CMIP: variants seen among roughly 807,000 people sequenced by gnomAD.
The protein encoded by CMIP is C-Maf-inducing protein.
CMIP carries 13 observed loss-of-function variants against 97.3 expected under a neutral mutation model. The ratio of observed to expected loss-of-function variants is 0.13; its 90% CI spans 0.09 to 0.21. The LOEUF (loss-of-function observed/expected upper bound fraction) is 0.21. Ranked by LOEUF, CMIP falls within the 10% of genes least tolerant of loss-of-function variation. The pLI is 1.00. For synonymous variants in CMIP, 538 were observed against 436.3 expected (o/e 1.23, Z -2.91); for missense variants, 847 against 1,024.9 (o/e 0.83, Z 2.37).
intron 1 of CMIP, among the ~76,000 whole-genome samples, chr16:81,487,885 C>T (rs1007596212): frequency 3.3e-5 from 5 of 152,178 alleles, no homozygotes; most frequent in East Asian, 3.8e-4. Context: ...AAGGATGTTC[C>T]GGCTCTGCAA....
intron 1 of CMIP, among the ~76,000 whole-genome samples, chr16:81,599,692 A>G (rs776397447): frequency 3.9e-5 from 6 of 152,194 alleles, no homozygotes; most frequent in Non-Finnish European, 5.9e-5. Flanking sequence ...GGGGGTTACG[A>G]AATTGAATCC....
intron 1 of CMIP, chr16:81,464,124 G>A (rs1567528620): frequency 6.6e-6 from 1 of 152,404 alleles, no homozygotes; most frequent in East Asian, 1.9e-4. Flanking sequence ...CGCAGCCAGT[G>A]TGTAAGGGAA....
intron 1 of CMIP, chr16:81,603,456 G>C (rs1486779218): frequency 2.2e-6 from 1 of 454,416 alleles, no homozygotes; most frequent in Non-Finnish European, 4.4e-6. Context: ...GGATACCCCA[G>C]AGTTCTCACA....
At chr16:81,656,212 C>T (rs910149724) in intron 4 of CMIP, among the ~76,000 whole-genome samples, 3 of 152,208 alleles carry the variant, frequency 2.0e-5, no homozygotes, top group African/African-American at 7.2e-5. Context: ...CGGCCTCCCG[C>T]AGCCCTCGGG....
At chr16:81,522,896 A>G (rs1255720748) in intron 1 of CMIP, among the ~76,000 whole-genome samples, 1 of 152,140 alleles carries the variant, frequency 6.6e-6, no homozygotes, top group African/African-American at 2.4e-5. Flanking sequence ...ACACATAATC[A>G]TAAACAATAT....
At chr16:81,484,198 C>G (rs1182688130) in intron 1 of CMIP, among the ~76,000 whole-genome samples, 1 of 152,136 alleles carries the variant, frequency 6.6e-6, no homozygotes, top group East Asian at 1.9e-4. Flanking sequence ...GTCGCCCTTC[C>G]CTGGCGGACC....
At chr16:81,594,103 C>T (rs2091511554) in intron 1 of CMIP, among the ~76,000 whole-genome samples, 1 of 124,724 alleles carries the variant, frequency 8.0e-6, no homozygotes, top group Admixed American at 8.0e-5. Flanking sequence ...CTTCCTCCCC[C>T]TCCTCCCCAT....
chr16:81,583,371 A>C (rs922480217), intron 1 of CMIP, among the ~76,000 whole-genome samples: 2 of 152,250 alleles, frequency 1.3e-5, no homozygotes, highest in African/African-American at 2.4e-5. Context: ...TCTGTTCTTT[A>C]ACCCTGAATG....
intron 6 of CMIP, 112 bp downstream of exon 6, chr16:81,661,058 G>C (rs1056803655): frequency 3.0e-6 from 4 of 1,314,824 alleles, no homozygotes; most frequent in Admixed American, 3.4e-5. Flanking sequence ...CACCGTCTTG[G>C]GTCACGGTCC....
chr16:81,667,799 A>AGAGAGAGAGT lies in CMIP; in HGVS notation c.826-2342_826-2341insAGAGAGAGTG. Among the ~76,000 whole-genome samples, 224 of 58,134 alleles carry AGAGAGAGAGT rather than the reference A, an allele frequency of 3.9e-3. 1 individual carries two copies. Among genetic ancestry groups the AGAGAGAGAGT allele is most frequent in the Non-Finnish European group, 5.0e-3 (156 of 31,290 alleles). The allele number at this position is 58,134 out of a possible 152,430, so 38.1% of individuals were successfully genotyped here. ...GAGAGAGAGAGAGAGAGAGAGAGAG[A>AGAGAGAGAGT]GTGTGTGTGTGTGTGTGTGTGTGTG... On this transcript the variant is annotated intron_variant, in intron 7 of 20. Coordinates refer to ENST00000537098, the MANE Select transcript of CMIP (RefSeq NM_198390.3).
chr16:81,693,560 CT>C lies in CMIP; in HGVS notation c.1530+75del, dbSNP rs1906356755. ...GGATGCACGAGGGCCCCTTAGAGGC[CT>C]TCTGAAGCTTGTCACCAACAGGCAT... On this transcript the variant is annotated intron_variant, in intron 13 of 20. Coordinates refer to ENST00000537098, the MANE Select transcript of CMIP (RefSeq NM_198390.3). 4.0e-6 allele frequency: 6 copies of C among 1,489,558 alleles called. No homozygotes were observed. In the African/African-American group the frequency reaches 4.2e-5, roughly 10 times the overall value. 92.3% of individuals were successfully genotyped at this position (1,489,558 alleles called of 1,614,324 possible).
At chr16:81,609,736 C>A (rs1210962661) in intron 2 of CMIP, among the ~76,000 whole-genome samples, 1 of 152,170 alleles carries the variant, frequency 6.6e-6, no homozygotes, top group Non-Finnish European at 1.5e-5. Context: ...TGGGGGCACA[C>A]TCCCCGGGCA....
At chr16:81,482,568 C>A (rs918436672) in intron 1 of CMIP, among the ~76,000 whole-genome samples, 1 of 152,160 alleles carries the variant, frequency 6.6e-6, no homozygotes, top group African/African-American at 2.4e-5. Flanking sequence ...CCCACTTGAG[C>A]CTGGTGGACA....
At chr16:81,489,766 G>A (rs961698422) in intron 1 of CMIP, among the ~76,000 whole-genome samples, 5 of 152,228 alleles carry the variant, frequency 3.3e-5, no homozygotes, top group Admixed American at 6.5e-5. Context: ...AGTGCCCAGC[G>A]AAGGGCCCTT....
At chr16:81,456,847 A>G (rs1906579510) in intron 1 of CMIP, among the ~76,000 whole-genome samples, 1 of 152,160 alleles carries the variant, frequency 6.6e-6, no homozygotes, top group Non-Finnish European at 1.5e-5. Flanking sequence ...ACAGAGCAGA[A>G]GGGTCTACCC....
chr16:81,542,303 A>G (rs570185350), intron 1 of CMIP, among the ~76,000 whole-genome samples: 1 of 152,334 alleles, frequency 6.6e-6, no homozygotes, highest in South Asian at 2.1e-4. Flanking sequence ...GGGGCCAACT[A>G]TTAAATGCTC....
intron 10 of CMIP, among the ~76,000 whole-genome samples, chr16:81,690,662 C>T (rs1042550958): frequency 1.3e-5 from 2 of 152,232 alleles, no homozygotes; most frequent in Non-Finnish European, 2.9e-5. Context: ...AGCCACCACA[C>T]CTGGCCTATC....
In CMIP at chr16:81,664,325, G is replaced by T. The variant is rs772897147; in HGVS notation, c.801G>T (p.Val267=). The T allele has an allele frequency of 3.1e-5, 50 of 1,598,724 alleles. No individual in the cohort carries two copies. The South Asian group carries it at 5.5e-4, about 17-fold the overall frequency. ...TCATCGAGGTGTTCACCCCCGTGGT[G>T]CAGCGAATCCTCAAGCATAACATGG... ...MVVIEVFTPV[V]QRILKHNMDF... Residue 267 remains valine (V), a synonymous_variant, in exon 7 of 21, where the codon GTG becomes GTT. Coordinates refer to ENST00000537098, the MANE Select transcript of CMIP (RefSeq NM_198390.3).
intron 3 of CMIP, chr16:81,645,928 C>G (rs2092359562): frequency 2.3e-6 from 1 of 437,980 alleles, no homozygotes; most frequent in Non-Finnish European, 4.2e-6. Context: ...AAGTAATAGA[C>G]TGTAAGTTTC....
Sources: gnomAD v4.1 joint callset for allele counts (sites outside exome capture counted in the v4.1 genomes callset) on GRCh38, gnomAD v4.1.1 for gene constraint, MANE v1.5 for transcripts, NCBI Gene and HGNC (gene_info 2026-07-23, HGNC 2026-07-21) for gene names.